SYT14: variants seen among roughly 807,000 people sequenced by gnomAD.
SYT14 encodes the protein synaptotagmin 14.
SYT14 carries 32 observed loss-of-function variants against 74.2 expected under a neutral mutation model. The observed-to-expected ratio is 0.43, with a 90% CI of 0.33 to 0.58. The LOEUF (loss-of-function observed/expected upper bound fraction) is 0.58, where lower values mean the gene tolerates loss of function less well. Among genes scored for constraint, SYT14 ranks in the 20% least tolerant of loss-of-function variants. The pLI, the probability that SYT14 is intolerant of heterozygous loss-of-function variation, is 0.05. For missense variants in SYT14, 791 were observed against 981.8 expected, an observed-to-expected ratio of 0.81 and a Z score of 2.60; for synonymous variants, 298 against 337.7, an observed-to-expected ratio of 0.88 and a Z score of 1.29.
At chr1:210,059,360 A>G (rs1298302436) in intron 5 of SYT14, among the ~76,000 whole-genome samples, 2 of 149,884 alleles carry the variant, frequency 1.3e-5, no homozygotes, top group African/African-American at 4.9e-5. Context: ...AGAGTTGACA[A>G]ATTCTCTTAC....
chr1:210,015,193 C>T (rs1404610053), intron 3 of SYT14, among the ~76,000 whole-genome samples: 1 of 152,046 alleles, frequency 6.6e-6, no homozygotes, highest in Non-Finnish European at 1.5e-5. Context: ...TAATGGAAGA[C>T]AGCTGGATTC....
At chr1:210,141,962 C>A (rs2082923925) in intron 7 of SYT14, among the ~76,000 whole-genome samples, 1 of 152,158 alleles carries the variant, frequency 6.6e-6, no homozygotes, top group South Asian at 2.1e-4. Context: ...CTTATTTTTT[C>A]ATTGGCCAGA....
At chr1:210,101,246 G>C (rs559252652) in intron 7 of SYT14, among the ~76,000 whole-genome samples, 2 of 152,186 alleles carry the variant, frequency 1.3e-5, no homozygotes, top group South Asian at 4.1e-4. Context: ...CTGTAAGTGT[G>C]CATTATGGTT....
chr1:210,066,676 G>T (rs2081302047), intron 5 of SYT14, among the ~76,000 whole-genome samples: 1 of 152,072 alleles, frequency 6.6e-6, no homozygotes, highest in African/African-American at 2.4e-5. Context: ...TCTGTAGGTT[G>T]CCTGTTCACT....
chr1:209,938,314 A>G, intron 1 of SYT14, 37 bp downstream of exon 1: 1 of 1,541,182 alleles, frequency 6.5e-7, no homozygotes, highest in Non-Finnish European at 8.8e-7. Flanking sequence ...GAGGACCGGG[A>G]CCACCCAGCT....
In SYT14 at chr1:210,158,219, T is replaced by C. The variant is rs142693797; in HGVS notation, c.2225-1202T>C. On this transcript the variant is annotated intron_variant, in intron 8 of 9. Transcript: ENST00000637265. Reference sequence around the variant, plus strand: ...AGTGTGACTTGATCATCTTCATTAGTATAGACTTAGAATGCAAACTCAAAA... The same window carrying C: ...AGTGTGACTTGATCATCTTCATTAGCATAGACTTAGAATGCAAACTCAAAA... 2.0e-5 allele frequency among the ~76,000 whole-genome samples: 3 copies of C among 152,316 alleles called. No individual in the cohort carries two copies. The East Asian group carries it at 5.8e-4, about 29-fold the overall frequency.
intron 4 of SYT14, among the ~76,000 whole-genome samples, chr1:210,020,672 CT>C (rs1216322080): frequency 1.3e-5 from 2 of 152,084 alleles, no homozygotes; most frequent in African/African-American, 4.8e-5. Context: ...GTTACTTATA[CT>C]TTAAAAAATG....
At chr1:209,982,510 A>C (rs1021221353) in intron 2 of SYT14, among the ~76,000 whole-genome samples, 6 of 152,126 alleles carry the variant, frequency 3.9e-5, no homozygotes, top group African/African-American at 1.4e-4. Flanking sequence ...GAAGTTTTGA[A>C]ATTTTTTTTA....
chr1:210,096,846 C>T (rs2102533852), intron 6 of SYT14, among the ~76,000 whole-genome samples: 1 of 152,292 alleles, frequency 6.6e-6, no homozygotes, highest in South Asian at 2.1e-4. Flanking sequence ...TTTGATCCGT[C>T]AGATTTTCTA....
chr1:209,998,470 T>TA (rs959600341), intron 2 of SYT14, among the ~76,000 whole-genome samples: 121 of 151,558 alleles, frequency 8.0e-4, no homozygotes, highest in Middle Eastern at 3.4e-3. Flanking sequence ...TGTATAGAAC[T>TA]AAAAAAAATA....
At chr1:209,952,481 ACTTGAATGAAGTGT>A (rs1213498596) in intron 1 of SYT14, among the ~76,000 whole-genome samples, 1 of 152,208 alleles carries the variant, frequency 6.6e-6, no homozygotes, top group African/African-American at 2.4e-5. Context: ...AAAATCACAT[ACTTGAATGAAGTGT>A]CTTCATTCCG....
rs559569126 is a variant in SYT14 at position 210,054,858 on chromosome 1, A to G, written c.1312+33604A>G. Among the ~76,000 whole-genome samples the G allele has an allele frequency of 8.5e-5, 13 of 152,250 alleles. No individual in the cohort carries two copies. In the South Asian group the frequency reaches 2.5e-3, roughly 29 times the overall value. On this transcript the variant is annotated intron_variant, in intron 5 of 9. Coordinates refer to ENST00000637265, the Ensembl canonical transcript of SYT14. The stretch of plus-strand genomic sequence containing the variant: ...GCATTTAACTGTTCATCAGATTTTC[A>G]CTTAATTCTCTGTTTTCAGAGGGGG...
At chr1:210,151,378 A>G (rs2083154603) in intron 7 of SYT14, among the ~76,000 whole-genome samples, 3 of 152,038 alleles carry the variant, frequency 2.0e-5, no homozygotes, top group African/African-American at 4.8e-5. Context: ...GACAGCATCG[A>G]TATTTAATTT....
chr1:210,141,141 A>G (rs905060829), intron 7 of SYT14, among the ~76,000 whole-genome samples: 6 of 151,298 alleles, frequency 4.0e-5, no homozygotes, highest in Non-Finnish European at 7.4e-5. Context: ...CTGTCTTAAC[A>G]ATTTAAGTCT....
chr1:210,071,620 G>A (rs896633974), intron 5 of SYT14, among the ~76,000 whole-genome samples: 61 of 151,972 alleles, frequency 4.0e-4, no homozygotes, highest in African/African-American at 1.3e-3. Flanking sequence ...AATATTTTTT[G>A]TAGGAGCTGA....
intron 2 of SYT14, among the ~76,000 whole-genome samples, chr1:209,974,540 C>T (rs1409350677): frequency 2.0e-5 from 3 of 152,124 alleles, no homozygotes; most frequent in African/African-American, 7.2e-5. Context: ...GGCATTATTT[C>T]TCAGGGCTCT....
intron 5 of SYT14, among the ~76,000 whole-genome samples, chr1:210,049,200 C>G (rs2080941929): frequency 6.6e-6 from 1 of 152,168 alleles, no homozygotes; most frequent in African/African-American, 2.4e-5. Flanking sequence ...TGGCCCTTTT[C>G]TCACAGCTCC....
intron 7 of SYT14, among the ~76,000 whole-genome samples, chr1:210,111,021 G>GA (rs2082251884): frequency 6.6e-6 from 1 of 152,220 alleles, no homozygotes; most frequent in Non-Finnish European, 1.5e-5. Flanking sequence ...TGGGATTACA[G>GA]GTGTGAGCCA....
intron 7 of SYT14, among the ~76,000 whole-genome samples, chr1:210,121,386 AAAG>A (rs779814470): frequency 3.9e-5 from 6 of 152,358 alleles, no homozygotes; most frequent in African/African-American, 7.2e-5. Context: ...CCAAGCTGGA[AAAG>A]AAGAAGGTAA....
Sources: gnomAD v4.1 joint callset for allele counts (sites outside exome capture counted in the v4.1 genomes callset) on GRCh38, gnomAD v4.1.1 for gene constraint, MANE v1.5 for transcripts, NCBI Gene and HGNC (gene_info 2026-07-23, HGNC 2026-07-21) for gene names.